The following CTNNA2 variants were observed in gnomAD, a reference collection of about 807,000 sequenced individuals.
CTNNA2 encodes catenin alpha 2, also known as catenin alpha-2.
CTNNA2 carries 42 observed loss-of-function variants against 101.0 expected under a neutral mutation model. The ratio of observed to expected loss-of-function variants is 0.42; its 90% CI spans 0.32 to 0.54. CTNNA2 has a LOEUF of 0.54. Among genes scored for constraint, CTNNA2 ranks in the 20% least tolerant of loss-of-function variants. CTNNA2 has a pLI of 0.14. For synonymous variants in CTNNA2, 450 were observed against 456.4 expected (o/e 0.99, Z 0.18); for missense variants, 871 against 1,223.1 (o/e 0.71, Z 4.29).
chr2:80,516,278 G>C (rs1240521794), intron 9 of CTNNA2, among the ~76,000 whole-genome samples: 1 of 152,196 alleles, frequency 6.6e-6, no homozygotes, highest in Admixed American at 6.5e-5. Context: ...GAAGCAGAGA[G>C]ATGGAAGATA....
chr2:79,738,411 A>G (rs1325435652), intron 2 of CTNNA2, among the ~76,000 whole-genome samples: 1 of 152,190 alleles, frequency 6.6e-6, no homozygotes, highest in Non-Finnish European at 1.5e-5. Flanking sequence ...AGGACGTTGA[A>G]GATTTAGCAG....
In CTNNA2 at chr2:79,434,295, CAAA is replaced by C. The variant is rs367927495; in HGVS notation, c.-135+60298_-135+60300del. Among the ~76,000 whole-genome samples, 421 of 95,436 alleles carry C rather than the reference CAAA, an allele frequency of 4.4e-3. 1 individual carries two copies. Among genetic ancestry groups the C allele is most frequent in the Middle Eastern group, 0.011 (2 of 188 alleles). 62.6% of individuals were successfully genotyped at this position (95,436 alleles called of 152,430 possible). On this transcript the variant is annotated intron_variant, in intron 4 of 21. Coordinates refer to the CTNNA2 transcript ENST00000466387. ...CCTGGGAAACAGAGAGAGACTCTGT[CAAA>C]AAAAAAAAAAAAAAAGGAAGAAGGA...
At chr2:79,265,913 G>A (rs1674980954) in intron 2 of CTNNA2, among the ~76,000 whole-genome samples, 1 of 152,094 alleles carries the variant, frequency 6.6e-6, no homozygotes, top group African/African-American at 2.4e-5. Flanking sequence ...AGCAAACATA[G>A]ACAAAGAATA....
intron 3 of CTNNA2, among the ~76,000 whole-genome samples, chr2:79,756,091 C>A (rs1038540638): frequency 1.3e-5 from 2 of 150,698 alleles, no homozygotes; most frequent in African/African-American, 4.9e-5. Context: ...GCACAGAGCC[C>A]TTTGTGTGGC....
intron 15 of CTNNA2, 159 bp from the exon 16 acceptor site, chr2:80,603,915 T>G: frequency 1.8e-6 from 1 of 550,366 alleles, no homozygotes; most frequent in Admixed American, 3.3e-5. Context: ...CGACTACTAA[T>G]ATAGAAACTG....
intron 4 of CTNNA2, among the ~76,000 whole-genome samples, chr2:79,401,479 G>A (rs1193737781): frequency 6.6e-6 from 1 of 151,560 alleles, no homozygotes; most frequent in Non-Finnish European, 1.5e-5. Context: ...ATGAGAAAGA[G>A]TTATGTCAGA....
intron 9 of CTNNA2, among the ~76,000 whole-genome samples, chr2:80,463,786 A>T (rs907760834): frequency 6.6e-6 from 1 of 152,148 alleles, no homozygotes; most frequent in Non-Finnish European, 1.5e-5. Context: ...TATCTAGTAT[A>T]TATTTTCTAG....
intron 7 of CTNNA2, among the ~76,000 whole-genome samples, chr2:79,914,067 T>C (rs1686006212): frequency 6.8e-6 from 1 of 146,652 alleles, no homozygotes; most frequent in Non-Finnish European, 1.5e-5. Context: ...CTCGGGAGGC[T>C]GAGGCAGGAG....
At chr2:80,330,701 G>A (rs369282390) in intron 7 of CTNNA2, among the ~76,000 whole-genome samples, 1 of 151,986 alleles carries the variant, frequency 6.6e-6, no homozygotes, top group East Asian at 1.9e-4. Flanking sequence ...GCCTTCCAGG[G>A]TCTCCACAGG....
At chr2:80,280,330 A>T (rs1352619985) in intron 7 of CTNNA2, among the ~76,000 whole-genome samples, 1 of 150,648 alleles carries the variant, frequency 6.6e-6, no homozygotes, top group East Asian at 2.1e-4. Context: ...CTGACTGTTG[A>T]CCCACTTCCC....
At chr2:79,911,899 C>G (rs940067599) in intron 7 of CTNNA2, among the ~76,000 whole-genome samples, 1 of 152,174 alleles carries the variant, frequency 6.6e-6, no homozygotes, top group Non-Finnish European at 1.5e-5. Flanking sequence ...ACTCATTTCT[C>G]CTGCTGCACA....
chr2:79,854,663 T>A (rs1413993060), intron 3 of CTNNA2, among the ~76,000 whole-genome samples: 1 of 152,326 alleles, frequency 6.6e-6, no homozygotes, highest in Non-Finnish European at 1.5e-5. Flanking sequence ...GTCCCTTATT[T>A]GGTAATGTTA....
chr2:79,374,810 A>G (rs919417891), intron 4 of CTNNA2, among the ~76,000 whole-genome samples: 1 of 152,126 alleles, frequency 6.6e-6, no homozygotes, highest in Non-Finnish European at 1.5e-5. Context: ...CCCATTAGGC[A>G]TATTTGGATA....
intron 1 of CTNNA2, among the ~76,000 whole-genome samples, chr2:79,521,812 A>T (rs1490139697): frequency 6.6e-6 from 1 of 152,176 alleles, no homozygotes. Flanking sequence ...ACAGAGGGCA[A>T]CGTGGCACAA....
At chr2:79,745,356 G>A (rs533077033) in intron 3 of CTNNA2, among the ~76,000 whole-genome samples, 21 of 152,080 alleles carry the variant, frequency 1.4e-4, no homozygotes, top group African/African-American at 4.3e-4. Context: ...GCTAGAACCC[G>A]GGAGGCGGAG....
At chr2:79,457,217 G>T (rs1469377528) in intron 4 of CTNNA2, among the ~76,000 whole-genome samples, 1 of 145,302 alleles carries the variant, frequency 6.9e-6, no homozygotes, top group Non-Finnish European at 1.5e-5. Flanking sequence ...AAAAAAAAAA[G>T]AAAAAGAAAA....
rs58980949 is a variant in CTNNA2, at chr2:80,551,750, A to G, written c.1541-3943A>G. On this transcript the variant is annotated intron_variant, in intron 11 of 18. Transcript: ENST00000402739. ...ATGATCTTCTATTTAGACCACTCAA[A>G]CTTTCTCCATATTAGCAATAAGGCT... is the stretch of plus-strand genomic sequence containing the variant. Among the ~76,000 whole-genome samples the G allele has an allele frequency of 5.4e-3, 815 of 152,224 alleles. 6 individuals are homozygous for G. Among genetic ancestry groups the G allele is most frequent in the African/African-American group, 0.019 (786 of 41,548 alleles).
At chr2:79,780,299 T>C (rs1384627776) in intron 3 of CTNNA2, among the ~76,000 whole-genome samples, 1 of 152,162 alleles carries the variant, frequency 6.6e-6, no homozygotes, top group Non-Finnish European at 1.5e-5. Flanking sequence ...GAGGGCTGTG[T>C]CATGAACCAT....
intron 4 of CTNNA2, among the ~76,000 whole-genome samples, chr2:79,390,446 G>A (rs1434145014): frequency 6.6e-6 from 1 of 152,022 alleles, no homozygotes; most frequent in African/African-American, 2.4e-5. Flanking sequence ...TCTTCAAATT[G>A]CAGTTTTAAT....
Sources: allele counts gnomAD v4.1 joint callset (sites outside exome capture counted in the v4.1 genomes callset), GRCh38; gene constraint gnomAD v4.1.1; transcripts MANE v1.5; gene names NCBI Gene and HGNC (gene_info 2026-07-23, HGNC 2026-07-21).